TBX2: variants seen among roughly 807,000 people sequenced by gnomAD.
TBX2 encodes the protein T-box transcription factor 2.
A neutral mutation model predicts 48.4 loss-of-function variants in TBX2; 19 were observed. The observed-to-expected ratio is 0.39, with a 90% CI of 0.27 to 0.58. The LOEUF (loss-of-function observed/expected upper bound fraction) is 0.58, where lower values mean the gene tolerates loss of function less well. Among genes scored for constraint, TBX2 ranks in the 20% least tolerant of loss-of-function variants. The probability of loss-of-function intolerance (pLI) is 0.54; values close to 1 mark genes in which losing one functional copy is unlikely to be tolerated. For synonymous variants in TBX2, 522 were observed against 459.7 expected (o/e 1.14, Z -1.73); for missense variants, 994 against 1,006.5 (o/e 0.99, Z 0.17).
chr17:61,405,181 C>T, intron 5 of TBX2, 21 bp from the exon 6 acceptor site: 1 of 1,478,246 alleles, frequency 6.8e-7, no homozygotes. Flanking sequence ...CCCCTGTAAT[C>T]CGCGCGCCCT....
intron 1 of TBX2, 87 bp from the exon 2 acceptor site, chr17:61,401,597 C>T (rs534840410): frequency 3.3e-6 from 5 of 1,499,606 alleles, no homozygotes; most frequent in East Asian, 2.3e-5. Flanking sequence ...GTGTGCGCAA[C>T]GAGGAGGGAT....
At position 61,408,583 on chromosome 17, in the gene TBX2, A is replaced by G; in HGVS notation, c.*77A>G. ...CTGCTGCTTGGGACGTGTACAGCAC[A>G]GAATGAGTATTTATTTAAATAAAGG... On this transcript the variant is annotated 3_prime_UTR_variant, in exon 7 of 7. Transcript: ENST00000240328. The G allele has an allele frequency of 7.8e-7, 1 of 1,276,368 alleles. No homozygotes were observed. The allele number at this position is 1,276,368 out of a possible 1,614,324, so 79.1% of individuals were successfully genotyped here. A position where few individuals can be genotyped will look rare whatever the true frequency, so the allele number is the denominator to read the frequency against.
rs1478106799 is a variant in TBX2, at chr17:61,400,116, G to A, written c.-61G>A. 16 of 927,576 alleles carry A rather than the reference G, an allele frequency of 1.7e-5. No homozygotes were observed. The highest frequency in any genetic ancestry group is 2.1e-5 in the Non-Finnish European group (16 of 779,798). 57.5% of individuals were successfully genotyped at this position (927,576 alleles called of 1,614,324 possible). A position where few individuals can be genotyped will look rare whatever the true frequency, so the allele number is the denominator to read the frequency against. ...GCGCGCGCCGCCGCCCGGGCCGGGG[G>A]TCCGAGCCGCGCGCCCCCGGCCCCG... On this transcript the variant is annotated 5_prime_UTR_variant, in exon 1 of 7. Transcript: ENST00000240328. This position sits in a 1 kb window ranked among gnomAD's most constrained non-coding sequence, Gnocchi z 9.2.
At position 61,403,281 on chromosome 17, in the gene TBX2, A is replaced by G. The variant is rs141883629; in HGVS notation, c.810+74A>G. ...CACGTGCAGGCCCAACCGTCCGTTC[A>G]TCGCCCCTCGAAGCCCCCTGCACGG... is the stretch of plus-strand genomic sequence containing the variant. On this transcript the variant is annotated intron_variant, in intron 3 of 6. Transcript: ENST00000240328. This position sits in a 1 kb window ranked among gnomAD's most constrained non-coding sequence, Gnocchi z 5.8. The G allele has an allele frequency of 5.8e-3, 9,093 of 1,572,346 alleles. 43 individuals are homozygous for G. The highest frequency in any genetic ancestry group is 0.012 in the Middle Eastern group (61 of 5,264).
chr17:61,402,033 A>T (rs1208866272), intron 2 of TBX2, 82 bp downstream of exon 2: 15 of 1,510,038 alleles, frequency 9.9e-6, no homozygotes, highest in Non-Finnish European at 1.2e-5. Flanking sequence ...GGGCGGCAGG[A>T]TCTCCCAGGG....
Position 61,408,547 on chromosome 17 carries a change from G to T in TBX2, c.*41G>T. 1 of 1,418,754 alleles carries T rather than the reference G, an allele frequency of 7.0e-7. No individual in the cohort carries two copies. Among genetic ancestry groups the T allele is most frequent in the South Asian group, 1.5e-5 (1 of 65,730 alleles). 87.9% of individuals were successfully genotyped at this position (1,418,754 alleles called of 1,614,324 possible). A position where few individuals can be genotyped will look rare whatever the true frequency, so the allele number is the denominator to read the frequency against. On this transcript the variant is annotated 3_prime_UTR_variant, in exon 7 of 7. Coordinates refer to ENST00000240328, the MANE Select transcript of TBX2 (RefSeq NM_005994.4). ...CTCCCCTGCCACGCAGGCCACCCGGGCTGCCTGCCCCTGCTGCTTGGGACG... is the reference window on the plus strand; with the variant it reads ...CTCCCCTGCCACGCAGGCCACCCGGTCTGCCTGCCCCTGCTGCTTGGGACG...
rs967921765 is a variant in TBX2, at chr17:61,400,626, G to C, written c.395+55G>C. 6.0e-6 allele frequency: 9 copies of C among 1,504,138 alleles called. No individual in the cohort carries two copies. The East Asian group carries it at 1.0e-4, about 17-fold the overall frequency. 93.2% of individuals were successfully genotyped at this position (1,504,138 alleles called of 1,614,324 possible). A position where few individuals can be genotyped will look rare whatever the true frequency, so the allele number is the denominator to read the frequency against. Reference sequence around the variant, plus strand: ...CGGGCGGGCGGGCGGGCTGGGGCACGGGACTGCACGGATCAGAGCAGAGCT... The same window carrying C: ...CGGGCGGGCGGGCGGGCTGGGGCACCGGACTGCACGGATCAGAGCAGAGCT... On this transcript the variant is annotated intron_variant, in intron 1 of 6. Transcript: ENST00000240328. This position sits in a 1 kb window ranked among gnomAD's most constrained non-coding sequence, Gnocchi z 9.2.
At chr17:61,405,109 G>C (rs746007009) in intron 5 of TBX2, 93 bp from the exon 6 acceptor site, 31 of 1,497,436 alleles carry the variant, frequency 2.1e-5, no homozygotes, top group South Asian at 2.6e-5. Context: ...CCTCCGACTC[G>C]GCCTCCCCGA....
In TBX2 at chr17:61,408,596, A is replaced by G; in HGVS notation, c.*90A>G. The G allele has an allele frequency of 8.1e-7, 1 of 1,239,518 alleles. No homozygotes were observed. Among genetic ancestry groups the G allele is most frequent in the Non-Finnish European group, 1.0e-6 (1 of 959,036 alleles). 76.8% of individuals were successfully genotyped at this position (1,239,518 alleles called of 1,614,324 possible). ...CGTGTACAGCACAGAATGAGTATTTATTTAAATAAAGGAGAAAAGTGGGCT... is the reference window on the plus strand; with the variant it reads ...CGTGTACAGCACAGAATGAGTATTTGTTTAAATAAAGGAGAAAAGTGGGCT... On this transcript the variant is annotated 3_prime_UTR_variant, in exon 7 of 7. Transcript: ENST00000240328.
In TBX2 at chr17:61,408,545, G is replaced by A. The variant is rs571416681; in HGVS notation, c.*39G>A. ...TGCTCCCCTGCCACGCAGGCCACCC[G>A]GGCTGCCTGCCCCTGCTGCTTGGGA... On this transcript the variant is annotated 3_prime_UTR_variant, in exon 7 of 7. Coordinates refer to ENST00000240328, the MANE Select transcript of TBX2 (RefSeq NM_005994.4). The A allele has an allele frequency of 4.9e-6, 7 of 1,424,228 alleles. No individual in the cohort carries two copies. Among genetic ancestry groups the A allele is most frequent in the Admixed American group, 3.0e-5 (1 of 33,756 alleles). The allele number at this position is 1,424,228 out of a possible 1,614,324, so 88.2% of individuals were successfully genotyped here.
chr17:61,400,602 G>T lies in TBX2; in HGVS notation c.395+31G>T. On this transcript the variant is annotated intron_variant, in intron 1 of 6. Coordinates refer to ENST00000240328, the MANE Select transcript of TBX2 (RefSeq NM_005994.4). The surrounding 1 kb of genome is among the most constrained non-coding windows in gnomAD (Gnocchi z 9.2). ...GCTGCCGGCCGGCTGGAAGGCGCGC[G>T]GGCGGGCGGGCGGGCTGGGGCACGG... is the stretch of plus-strand genomic sequence containing the variant. 6.8e-7 allele frequency: 1 copy of T among 1,478,276 alleles called. No homozygotes were observed. Among genetic ancestry groups the T allele is most frequent in the Non-Finnish European group, 9.1e-7 (1 of 1,098,386 alleles). 91.6% of individuals were successfully genotyped at this position (1,478,276 alleles called of 1,614,324 possible).
intron 6 of TBX2, 186 bp from the exon 7 acceptor site, chr17:61,407,868 T>C: frequency 3.0e-6 from 2 of 674,312 alleles, no homozygotes; most frequent in Non-Finnish European, 4.9e-6. Flanking sequence ...CTCACCCTTC[T>C]AACTGGGTTT....
At chr17:61,402,017 A>G in intron 2 of TBX2, 66 bp downstream of exon 2, 1 of 1,522,348 alleles carries the variant, frequency 6.6e-7, no homozygotes, top group Non-Finnish European at 8.8e-7. Context: ...GCTGAGCAGG[A>G]GAGCAGGGCG....
intron 3 of TBX2, 131 bp from the exon 4 acceptor site, chr17:61,404,290 A>T: frequency 8.6e-7 from 1 of 1,158,606 alleles, no homozygotes; most frequent in Non-Finnish European, 1.2e-6. Context: ...GTCCCATCCC[A>T]GGCGGGTGGG....
In TBX2 at chr17:61,400,186, C is replaced by T. The variant is rs1179281640; in HGVS notation, c.10C>T (p.Pro4Ser). MRE[P>S]ALAASAMAYH... ...TGGGCCGGATGTCCCGATGAGAGAGCCGGCGCTGGCGGCCAGCGCCATGGC... is the reference window on the plus strand; with the variant it reads ...TGGGCCGGATGTCCCGATGAGAGAGTCGGCGCTGGCGGCCAGCGCCATGGC... Residue 4 changes from proline to serine, a missense_variant, in exon 1 of 7, where the codon CCG (proline) becomes TCG (serine). Around this residue, in one of 5 missense-constraint regions of TBX2, gnomAD observed 165 missense variants for 136.8 expected, o/e 1.21. Transcript: ENST00000240328. The surrounding 1 kb of genome is among the most constrained non-coding windows in gnomAD (Gnocchi z 9.2). 12 of 1,135,914 alleles carry T rather than the reference C, an allele frequency of 1.1e-5. No individual in the cohort carries two copies. The highest frequency in any genetic ancestry group is 4.0e-5 in the South Asian group (2 of 49,416). 70.4% of individuals were successfully genotyped at this position (1,135,914 alleles called of 1,614,324 possible).
chr17:61,407,917 T>C, intron 6 of TBX2, 137 bp from the exon 7 acceptor site: 3 of 1,142,400 alleles, frequency 2.6e-6, no homozygotes, highest in Non-Finnish European at 3.7e-6. Context: ...CTGTGCTGCC[T>C]GTGGTTATAG....
chr17:61,400,225 C>T lies in TBX2; in HGVS notation c.49C>T (p.His17Tyr), dbSNP rs2060258304. ...CAGCGCCATGGCTTACCACCCGTTC[C>T]ACGCGCCACGGCCCGCCGACTTCCC... ...AASAMAYHPF[H>Y]APRPADFPMS... is the part of the protein sequence containing the mutation. The change falls in exon 1 of 7, where the codon CAC becomes TAC. Residue 17 changes from histidine to tyrosine, a missense_variant. Around this residue, in one of 5 missense-constraint regions of TBX2, gnomAD observed 165 missense variants for 136.8 expected, o/e 1.21. Coordinates refer to ENST00000240328, the MANE Select transcript of TBX2 (RefSeq NM_005994.4). This position sits in a 1 kb window ranked among gnomAD's most constrained non-coding sequence, Gnocchi z 9.2. The T allele has an allele frequency of 1.6e-6, 2 of 1,220,472 alleles. No homozygotes were observed. Among genetic ancestry groups the T allele is most frequent in the African/African-American group, 1.6e-5 (1 of 61,952 alleles). The allele number at this position is 1,220,472 out of a possible 1,614,324, so 75.6% of individuals were successfully genotyped here. A position where few individuals can be genotyped will look rare whatever the true frequency, so the allele number is the denominator to read the frequency against.
At chr17:61,402,900 C>A (rs1046628159) in intron 2 of TBX2, among the ~76,000 whole-genome samples, 161 bp from the exon 3 acceptor site, 3 of 137,950 alleles carry the variant, frequency 2.2e-5, no homozygotes, top group Non-Finnish European at 4.5e-5. Context: ...AGAGCAGAGA[C>A]AGGAGAAAAT....
rs1224609613 is a variant in TBX2 at position 61,403,943 on chromosome 17, T to C, written c.811-478T>C. Among the ~76,000 whole-genome samples the C allele has an allele frequency of 6.6e-6, 1 of 152,112 alleles. No homozygotes were observed. Among genetic ancestry groups the C allele is most frequent in the Non-Finnish European group, 1.5e-5 (1 of 68,018 alleles). On this transcript the variant is annotated intron_variant, in intron 3 of 6. Transcript: ENST00000240328. The surrounding 1 kb of genome is among the most constrained non-coding windows in gnomAD (Gnocchi z 5.8). ...CCGTTTGGGGTGTGTTGGATACCTG[T>C]GGAGGCATGTGAATTCGTTTGGTTC...
Sources: gnomAD v4.1 joint callset for allele counts (sites outside exome capture counted in the v4.1 genomes callset) on GRCh38, gnomAD v4.1.1 for gene constraint, gnomAD v4.1.1 regional missense constraint, Gnocchi (gnomAD v3.1) non-coding constraint, MANE v1.5 for transcripts, NCBI Gene and HGNC (gene_info 2026-07-23, HGNC 2026-07-21) for gene names.